The following MDGA2 variants were observed in gnomAD, a reference collection of about 807,000 sequenced individuals.
MDGA2 encodes the protein MAM domain-containing glycosylphosphatidylinositol anchor protein 2.
In MDGA2, 40 loss-of-function variants were observed where a neutral mutation model predicts 117.8. That is an observed-to-expected ratio of 0.34 (90% confidence interval 0.26 to 0.44). The LOEUF (loss-of-function observed/expected upper bound fraction) is 0.44. Among genes scored for constraint, MDGA2 ranks in the 20% least tolerant of loss-of-function variants. MDGA2 has a pLI of 1.00. For missense variants in MDGA2, 1,123 were observed against 1,250.6 expected, an observed-to-expected ratio of 0.90 and a Z score of 1.54; for synonymous variants, 452 against 439.0, an observed-to-expected ratio of 1.03 and a Z score of -0.37.
chr14:47,085,372 T>G (rs1304200698), intron 6 of MDGA2, among the ~76,000 whole-genome samples: 5 of 152,174 alleles, frequency 3.3e-5, no homozygotes, highest in African/African-American at 1.2e-4. Context: ...TGTTGGCTCT[T>G]TAAAGTAACT....
At chr14:47,640,784 TTAAACA>T (rs2138245025) in intron 1 of MDGA2, among the ~76,000 whole-genome samples, 2 of 152,244 alleles carry the variant, frequency 1.3e-5, no homozygotes, top group African/African-American at 4.8e-5. Flanking sequence ...TTACAAAGAC[TTAAACA>T]TAATTTCTTT....
chr14:47,423,795 A>AT (rs1555320272), intron 1 of MDGA2, among the ~76,000 whole-genome samples: 48 of 150,458 alleles, frequency 3.2e-4, no homozygotes, highest in Admixed American at 2.6e-3. Flanking sequence ...TTATTTAACT[A>AT]TTTATTTTAT....
chr14:47,663,159 A>C (rs530787566), intron 1 of MDGA2, among the ~76,000 whole-genome samples: 17 of 152,350 alleles, frequency 1.1e-4, no homozygotes, highest in African/African-American at 3.1e-4. Context: ...ATAATAACTT[A>C]ACTCATTCTG....
intron 1 of MDGA2, among the ~76,000 whole-genome samples, chr14:47,670,483 T>A (rs993017561): frequency 3.3e-5 from 5 of 152,202 alleles, no homozygotes; most frequent in Non-Finnish European, 2.9e-5. Flanking sequence ...ATTATTGATA[T>A]GATGTCATTG....
chr14:47,238,628 C>T lies in MDGA2; in HGVS notation c.421-20433G>A, dbSNP rs548823280. ...TTGTGTTATAAATTACCCTATGGAC[C>T]GCTCAAAAAAAATGTGGAAATGCCA... is the stretch of plus-strand genomic sequence containing the variant. On this transcript the variant is annotated intron_variant, in intron 2 of 16. Transcript: ENST00000399232. 7.9e-5 allele frequency among the ~76,000 whole-genome samples: 12 copies of T among 151,198 alleles called. No individual in the cohort carries two copies. In the Middle Eastern group the frequency reaches 0.017, roughly 214 times the overall value.
At chr14:46,894,017 G>A (rs1448561384) in intron 10 of MDGA2, among the ~76,000 whole-genome samples, 1 of 151,782 alleles carries the variant, frequency 6.6e-6, no homozygotes, top group Non-Finnish European at 1.5e-5. Context: ...TGCAGTTTGG[G>A]GTGACAGTTG....
intron 1 of MDGA2, among the ~76,000 whole-genome samples, chr14:47,577,913 T>C (rs1461066382): frequency 6.6e-6 from 1 of 152,180 alleles, no homozygotes; most frequent in Non-Finnish European, 1.5e-5. Flanking sequence ...AGCAATCCCA[T>C]TACTGGGTAT....
chr14:47,579,785 A>G (rs1175463418), intron 1 of MDGA2, among the ~76,000 whole-genome samples: 2 of 152,090 alleles, frequency 1.3e-5, no homozygotes, highest in Non-Finnish European at 2.9e-5. Context: ...AAAATCTACA[A>G]TTGAATCCAG....
chr14:47,132,782 A>G (rs981323247), intron 4 of MDGA2, among the ~76,000 whole-genome samples: 1 of 151,946 alleles, frequency 6.6e-6, no homozygotes, highest in African/African-American at 2.4e-5. Context: ...GGGATACTAT[A>G]AAAATTCAAA....
chr14:47,363,555 G>A (rs143337553), intron 1 of MDGA2, among the ~76,000 whole-genome samples: 1 of 152,182 alleles, frequency 6.6e-6, no homozygotes, highest in East Asian at 1.9e-4. Flanking sequence ...ACCATACCTG[G>A]CCTGTATCAA....
At chr14:47,359,449 C>A (rs371236317) in intron 1 of MDGA2, among the ~76,000 whole-genome samples, 20 of 152,022 alleles carry the variant, frequency 1.3e-4, no homozygotes, top group Non-Finnish European at 2.6e-4. Flanking sequence ...AACCAACACA[C>A]AGACTAACAC....
chr14:47,090,702 A>G (rs1879601976), intron 6 of MDGA2, among the ~76,000 whole-genome samples: 1 of 152,184 alleles, frequency 6.6e-6, no homozygotes, highest in Non-Finnish European at 1.5e-5. Context: ...CAGAAGCTAC[A>G]TTAGAAAAAC....
intron 3 of MDGA2, among the ~76,000 whole-genome samples, chr14:47,192,221 G>C (rs1885140608): frequency 6.6e-6 from 1 of 152,128 alleles, no homozygotes; most frequent in African/African-American, 2.4e-5. Context: ...GTATGGGACC[G>C]AACGAGGTGG....
At chr14:46,989,029 A>G (rs1886975959) in intron 8 of MDGA2, among the ~76,000 whole-genome samples, 1 of 152,142 alleles carries the variant, frequency 6.6e-6, no homozygotes, top group South Asian at 2.1e-4. Flanking sequence ...TTTCATTTAT[A>G]TCTACATAAA....
chr14:47,668,289 C>T (rs1028609527), intron 1 of MDGA2, among the ~76,000 whole-genome samples: 2 of 152,034 alleles, frequency 1.3e-5, no homozygotes, highest in Non-Finnish European at 2.9e-5. Flanking sequence ...GGAATTGCAC[C>T]GGTATAAAAC....
At position 47,675,221 on chromosome 14, in the gene MDGA2, G is replaced by A; in HGVS notation, c.-425C>T. On this transcript the variant is annotated 5_prime_UTR_variant, in exon 1 of 17. Transcript: ENST00000399232. ...GCCCGCCCGCAGTCCGAAGCCCCCA[G>A]CCCTGCTGTCTTGCCTTCCCCCATT... is the stretch of plus-strand genomic sequence containing the variant. Among the ~76,000 whole-genome samples, 1 of 152,120 alleles carries A rather than the reference G, an allele frequency of 6.6e-6. No individual in the cohort carries two copies. Among genetic ancestry groups the A allele is most frequent in the Non-Finnish European group, 1.5e-5 (1 of 68,010 alleles).
chr14:47,604,309 T>C (rs1444839960), intron 1 of MDGA2, among the ~76,000 whole-genome samples: 1 of 152,054 alleles, frequency 6.6e-6, no homozygotes, highest in Non-Finnish European at 1.5e-5. Context: ...ATTATTTTTC[T>C]TTAGTTTTTA....
chr14:47,271,306 C>T (rs1888136068), intron 2 of MDGA2, among the ~76,000 whole-genome samples: 1 of 152,080 alleles, frequency 6.6e-6, no homozygotes, highest in East Asian at 1.9e-4. Flanking sequence ...GTCCTATTTC[C>T]CCACAACTAA....
At chr14:47,025,993 G>C (rs766880156) in intron 8 of MDGA2, among the ~76,000 whole-genome samples, 1 of 152,106 alleles carries the variant, frequency 6.6e-6, no homozygotes, top group Non-Finnish European at 1.5e-5. Context: ...AAAAGCAGTG[G>C]AATCTAAGAC....
Sources: gnomAD v4.1 joint callset for allele counts (sites outside exome capture counted in the v4.1 genomes callset) on GRCh38, gnomAD v4.1.1 for gene constraint, MANE v1.5 for transcripts, NCBI Gene and HGNC (gene_info 2026-07-23, HGNC 2026-07-21) for gene names.